RALGAPB: variants seen among roughly 807,000 people sequenced by gnomAD.
RALGAPB encodes ral GTPase-activating protein subunit beta.
A neutral mutation model predicts 161.1 loss-of-function variants in RALGAPB; 25 were observed. The ratio of observed to expected loss-of-function variants is 0.16; its 90% CI spans 0.11 to 0.22. The LOEUF is 0.22. Among genes scored for constraint, RALGAPB ranks in the 10% least tolerant of loss-of-function variants. RALGAPB has a pLI of 1.00. For missense variants in RALGAPB, 1,391 were observed against 1,815.2 expected, an observed-to-expected ratio of 0.77 and a Z score of 4.25; for synonymous variants, 629 against 626.1, an observed-to-expected ratio of 1.00 and a Z score of -0.07.
chr20:38,559,662 C>G (rs529280092), intron 23 of RALGAPB, among the ~76,000 whole-genome samples: 1 of 152,248 alleles, frequency 6.6e-6, no homozygotes, highest in East Asian at 1.9e-4. Flanking sequence ...CCATTGCACT[C>G]CAGCCTGGGC....
At chr20:38,555,985 A>G (rs776693644) in intron 22 of RALGAPB, among the ~76,000 whole-genome samples, 2 of 152,184 alleles carry the variant, frequency 1.3e-5, no homozygotes, top group Non-Finnish European at 2.9e-5. Flanking sequence ...TTACCAGGAA[A>G]TATTAATAAA....
At chr20:38,508,107 G>A (rs994420890) in intron 5 of RALGAPB, among the ~76,000 whole-genome samples, 2 of 150,942 alleles carry the variant, frequency 1.3e-5, no homozygotes, top group Non-Finnish European at 3.0e-5. Context: ...CATATTGTAT[G>A]ATTATATAAT....
chr20:38,502,118 ACT>A (rs1194842299), intron 5 of RALGAPB, among the ~76,000 whole-genome samples: 3 of 152,194 alleles, frequency 2.0e-5, no homozygotes, highest in Non-Finnish European at 2.9e-5. Flanking sequence ...CATAAAATTA[ACT>A]CTGGTACATA....
In RALGAPB at chr20:38,525,482, G is replaced by A; in HGVS notation, c.1866G>A (p.Leu622=). 2.5e-6 allele frequency: 4 copies of A among 1,609,248 alleles called. No homozygotes were observed. Among genetic ancestry groups the A allele is most frequent in the Non-Finnish European group, 3.4e-6 (4 of 1,177,904 alleles). ...RSSINILLSL[L]PLPHHFGTVK... is the part of the protein sequence containing the mutation. ...CCATTAATATCCTGCTTTCTTTGTT[G>A]CCCCTCCCTCATCATTTTGGCACAG... Residue 622 remains leucine (L), a synonymous_variant, in exon 12 of 30, where the codon TTG becomes TTA. Coordinates refer to ENST00000262879, the MANE Select transcript of RALGAPB (RefSeq NM_020336.4).
chr20:38,475,266 A>G (rs1425569531), intron 1 of RALGAPB, among the ~76,000 whole-genome samples: 2 of 152,214 alleles, frequency 1.3e-5, no homozygotes, highest in Non-Finnish European at 2.9e-5. Context: ...TGCCATTGGT[A>G]ATGTTTGGTC....
intron 23 of RALGAPB, 59 bp from the exon 24 acceptor site, chr20:38,562,473 T>TTATTTTGATATA (rs2087818065): frequency 1.4e-6 from 2 of 1,387,590 alleles, no homozygotes; most frequent in Admixed American, 4.7e-5. Context: ...TTATGAAGAT[T>TTATTTTGATATA]TATTTTGATA....
intron 24 of RALGAPB, 48 bp downstream of exon 24, chr20:38,562,745 C>CT: frequency 2.0e-6 from 3 of 1,512,858 alleles, no homozygotes; most frequent in South Asian, 1.3e-5. Flanking sequence ...GTTTGTTAGT[C>CT]TTGTTTTTTT....
At chr20:38,522,486 A>G (rs1258976413) in intron 10 of RALGAPB, among the ~76,000 whole-genome samples, 3 of 152,138 alleles carry the variant, frequency 2.0e-5, no homozygotes, top group African/African-American at 7.2e-5. Context: ...TATACTTTAG[A>G]CTTTGTCACT....
At chr20:38,478,994 A>G (rs1363871889) in intron 1 of RALGAPB, among the ~76,000 whole-genome samples, 1 of 151,822 alleles carries the variant, frequency 6.6e-6, no homozygotes, top group East Asian at 1.9e-4. Context: ...CAAGTGATCC[A>G]CCCGCCTCGG....
intron 5 of RALGAPB, among the ~76,000 whole-genome samples, chr20:38,505,146 A>C (rs1401815940): frequency 1.3e-5 from 2 of 152,238 alleles, no homozygotes; most frequent in Non-Finnish European, 2.9e-5. Context: ...TTGCAGCACG[A>C]TTCACAATAG....
chr20:38,535,632 G>T (rs976215715), intron 16 of RALGAPB, among the ~76,000 whole-genome samples: 1 of 143,714 alleles, frequency 7.0e-6, no homozygotes, highest in South Asian at 2.2e-4. Context: ...TTGCTCTGTC[G>T]CCCAGTCTGT....
At chr20:38,508,107 GATTATATA>G (rs1397173352) in intron 5 of RALGAPB, among the ~76,000 whole-genome samples, 1 of 150,942 alleles carries the variant, frequency 6.6e-6, no homozygotes, top group Non-Finnish European at 1.5e-5. Flanking sequence ...CATATTGTAT[GATTATATA>G]ATTATATAAG....
chr20:38,509,262 A>G, intron 6 of RALGAPB, 54 bp downstream of exon 6: 1 of 1,557,520 alleles, frequency 6.4e-7, no homozygotes. Flanking sequence ...ATCTTAGGGC[A>G]GGAATCATGC....
intron 13 of RALGAPB, among the ~76,000 whole-genome samples, chr20:38,527,937 G>A (rs1381168821): frequency 6.6e-6 from 1 of 152,148 alleles, no homozygotes; most frequent in Non-Finnish European, 1.5e-5. Context: ...GAAGCAGTGT[G>A]TTAGGCTCAC....
At chr20:38,474,619 A>G (rs1335995291) in intron 1 of RALGAPB, among the ~76,000 whole-genome samples, 1 of 152,098 alleles carries the variant, frequency 6.6e-6, no homozygotes, top group Non-Finnish European at 1.5e-5. Flanking sequence ...CATTAGCTTT[A>G]AGCATTCCCT....
intron 1 of RALGAPB, among the ~76,000 whole-genome samples, chr20:38,474,073 A>C (rs1225506459): frequency 1.3e-5 from 2 of 152,184 alleles, no homozygotes; most frequent in African/African-American, 4.8e-5. Context: ...AGGGATTCTG[A>C]GTCATCTGGA....
chr20:38,493,147 T>G lies in RALGAPB; in HGVS notation c.389+15T>G. ...TTTGTACCAAGGTAAGCTATACCTG[T>G]CTATCTGGCCCATTATCAGGGTCAT... On this transcript the variant is annotated intron_variant, in intron 3 of 29. Coordinates refer to ENST00000262879, the MANE Select transcript of RALGAPB (RefSeq NM_020336.4). 1 of 1,562,254 alleles carries G rather than the reference T, an allele frequency of 6.4e-7. No individual in the cohort carries two copies. Among genetic ancestry groups the G allele is most frequent in the Non-Finnish European group, 8.8e-7 (1 of 1,136,978 alleles).
intron 21 of RALGAPB, among the ~76,000 whole-genome samples, chr20:38,552,933 A>C (rs2087428779): frequency 6.6e-6 from 1 of 152,150 alleles, no homozygotes. Context: ...CAGCCATTTA[A>C]TGTGCTTAAG....
At chr20:38,491,603 A>C (rs947065083) in intron 2 of RALGAPB, among the ~76,000 whole-genome samples, 2 of 152,204 alleles carry the variant, frequency 1.3e-5, no homozygotes, top group African/African-American at 4.8e-5. Context: ...AATAGCTTAA[A>C]ATTTCTAGTT....
Sources: gnomAD v4.1 joint callset for allele counts (sites outside exome capture counted in the v4.1 genomes callset) on GRCh38, gnomAD v4.1.1 for gene constraint, MANE v1.5 for transcripts, NCBI Gene and HGNC (gene_info 2026-07-23, HGNC 2026-07-21) for gene names.